KYNU: variants seen among roughly 807,000 people sequenced by gnomAD.
KYNU encodes L-kynurenine hydrolase.
A neutral mutation model predicts 59.2 loss-of-function variants in KYNU; 54 were observed. That is an observed-to-expected ratio of 0.91 (90% CI 0.73 to 1.14). KYNU has a LOEUF of 1.14. Among genes scored for constraint, KYNU ranks in the 50% most tolerant of loss-of-function variants. KYNU has a pLI of 0.00. For synonymous variants in KYNU, 177 were observed against 192.0 expected (o/e 0.92, Z 0.65); for missense variants, 567 against 554.4 (o/e 1.02, Z -0.23).
At chr2:143,037,174 C>T (rs1374636629) in intron 12 of KYNU, among the ~76,000 whole-genome samples, 1 of 152,042 alleles carries the variant, frequency 6.6e-6, no homozygotes, top group African/African-American at 2.4e-5. Flanking sequence ...AAGCCTGAGG[C>T]CAGGAACCTG....
At chr2:142,885,642 CT>C in intron 2 of KYNU, 106 bp downstream of exon 2, 2 of 1,036,150 alleles carry the variant, frequency 1.9e-6, no homozygotes, top group Non-Finnish European at 2.8e-6. Flanking sequence ...CATAATAGAG[CT>C]GTTGCAATTA....
At chr2:142,992,885 A>T (rs1187386822) in intron 10 of KYNU, among the ~76,000 whole-genome samples, 1 of 152,064 alleles carries the variant, frequency 6.6e-6, no homozygotes, top group Non-Finnish European at 1.5e-5. Flanking sequence ...TATATCTTTT[A>T]ACCAGTTAAA....
At chr2:142,991,190 C>A (rs577532998) in intron 10 of KYNU, among the ~76,000 whole-genome samples, 1 of 151,916 alleles carries the variant, frequency 6.6e-6, no homozygotes, top group African/African-American at 2.4e-5. Flanking sequence ...TATTTCACTT[C>A]CATATGCTTT....
intron 3 of KYNU, among the ~76,000 whole-genome samples, chr2:142,918,948 G>T (rs1203896695): frequency 6.6e-6 from 1 of 152,168 alleles, no homozygotes; most frequent in Non-Finnish European, 1.5e-5. Flanking sequence ...AAGAACCTAG[G>T]CCTATGCCAT....
intron 10 of KYNU, among the ~76,000 whole-genome samples, chr2:143,023,944 A>G (rs1686477807): frequency 6.6e-6 from 1 of 151,808 alleles, no homozygotes; most frequent in South Asian, 2.1e-4. Context: ...TTTAATTCAC[A>G]TATTGAAAGA....
chr2:143,013,547 G>A (rs997917432), intron 10 of KYNU, among the ~76,000 whole-genome samples: 1 of 152,048 alleles, frequency 6.6e-6, no homozygotes, highest in African/African-American at 2.4e-5. Flanking sequence ...TTGCATATAT[G>A]AATGTTATCA....
At chr2:142,934,163 G>A (rs934813137) in intron 4 of KYNU, among the ~76,000 whole-genome samples, 6 of 152,122 alleles carry the variant, frequency 3.9e-5, no homozygotes, top group Non-Finnish European at 7.4e-5. Flanking sequence ...GTGAGGAGGC[G>A]AAAATGATAG....
chr2:142,897,500 T>A lies in KYNU; in HGVS notation c.169+11964T>A, dbSNP rs147441502. On this transcript the variant is annotated intron_variant, in intron 2 of 13. Coordinates refer to ENST00000264170, the MANE Select transcript of KYNU (RefSeq NM_003937.3). ...ATTAGACAGTTGTCACCCAACAAAT[T>A]CATATTAGATGCTTATATTTTTCTT... 7.7e-3 allele frequency among the ~76,000 whole-genome samples: 1,179 copies of A among 152,300 alleles called. 10 individuals are homozygous for A. The highest frequency in any genetic ancestry group is 0.02 in the Middle Eastern group (6 of 294).
chr2:142,957,623 A>G lies in KYNU; in HGVS notation c.508-18A>G, dbSNP rs188997515. 2,191 of 1,491,810 alleles carry G rather than the reference A, an allele frequency of 1.5e-3. 28 individuals are homozygous for G. In the African/African-American group the frequency reaches 0.027, roughly 19 times the overall value. The allele number at this position is 1,491,810 out of a possible 1,614,324, so 92.4% of individuals were successfully genotyped here. A position where few individuals can be genotyped will look rare whatever the true frequency, so the allele number is the denominator to read the frequency against. On this transcript the variant is annotated intron_variant, in intron 6 of 13. Coordinates refer to ENST00000264170, the MANE Select transcript of KYNU (RefSeq NM_003937.3). Reference sequence around the variant, plus strand: ...GCTCTCAGCTTGATTTGATAAATACATCATCTTTCCTTTTTAGTATGCTAT... The same window carrying G: ...GCTCTCAGCTTGATTTGATAAATACGTCATCTTTCCTTTTTAGTATGCTAT...
chr2:142,894,046 A>G (rs1218042533), intron 2 of KYNU, among the ~76,000 whole-genome samples: 1 of 152,218 alleles, frequency 6.6e-6, no homozygotes, highest in Non-Finnish European at 1.5e-5. Context: ...CTGTCTTGCC[A>G]TATGAACTCT....
chr2:142,996,550 G>A lies in KYNU; in HGVS notation c.902+10529G>A, dbSNP rs1298839210. 2.6e-5 allele frequency among the ~76,000 whole-genome samples: 4 copies of A among 152,118 alleles called. No individual in the cohort carries two copies. The South Asian group carries it at 6.2e-4, about 24-fold the overall frequency. On this transcript the variant is annotated intron_variant, in intron 10 of 13. Transcript: ENST00000264170. ...ATTCAGTCTGGGCAGTGAAAGAAGAGGGATGTTGGGAGAACCTTACAAAGA... is the reference window on the plus strand; with the variant it reads ...ATTCAGTCTGGGCAGTGAAAGAAGAAGGATGTTGGGAGAACCTTACAAAGA...
chr2:142,945,691 A>T (rs1265407642), intron 4 of KYNU, among the ~76,000 whole-genome samples: 1 of 152,004 alleles, frequency 6.6e-6, no homozygotes, highest in Non-Finnish European at 1.5e-5. Context: ...CATCAGAGGG[A>T]TCACTATCTG....
chr2:142,912,898 G>C (rs1682541271), intron 2 of KYNU, among the ~76,000 whole-genome samples: 1 of 150,698 alleles, frequency 6.6e-6, no homozygotes, highest in Non-Finnish European at 1.5e-5. Flanking sequence ...ATTTTTAGTA[G>C]AGACAGGGTT....
At chr2:142,889,621 A>G (rs1460775006) in intron 2 of KYNU, among the ~76,000 whole-genome samples, 1 of 152,168 alleles carries the variant, frequency 6.6e-6, no homozygotes, top group Non-Finnish European at 1.5e-5. Context: ...TTAGAATACT[A>G]TGTTCTGACC....
At chr2:143,002,306 A>C (rs74554643) in intron 10 of KYNU, among the ~76,000 whole-genome samples, 4,092 of 152,336 alleles carry the variant, frequency 0.027, 179 homozygotes, top group African/African-American at 0.094. Context: ...TTCAGTAAAT[A>C]AAACATTAAT....
At chr2:142,896,062 T>C (rs13001624) in intron 2 of KYNU, among the ~76,000 whole-genome samples, 34,552 of 152,182 alleles carry the variant, frequency 0.23, 4,848 homozygotes, top group South Asian at 0.4. Context: ...TGTAAAAACA[T>C]TCTTAGCTTT....
intron 4 of KYNU, among the ~76,000 whole-genome samples, chr2:142,937,247 G>A (rs944935841): frequency 6.6e-6 from 1 of 152,022 alleles, no homozygotes; most frequent in Non-Finnish European, 1.5e-5. Flanking sequence ...TGAGAAGGGA[G>A]GAGTTACTCA....
chr2:142,880,814 C>T (rs1051042257), intron 1 of KYNU, among the ~76,000 whole-genome samples: 1 of 152,156 alleles, frequency 6.6e-6, no homozygotes, highest in South Asian at 2.1e-4. Context: ...GCGGTAGAGA[C>T]ACAGTGATCT....
intron 2 of KYNU, among the ~76,000 whole-genome samples, chr2:142,893,357 A>G (rs1332770488): frequency 6.6e-6 from 1 of 152,218 alleles, no homozygotes; most frequent in Non-Finnish European, 1.5e-5. Flanking sequence ...ACATATTCAA[A>G]GAAATCAGAG....
Sources: allele counts gnomAD v4.1 joint callset (sites outside exome capture counted in the v4.1 genomes callset), GRCh38; gene constraint gnomAD v4.1.1; transcripts MANE v1.5; gene names NCBI Gene and HGNC (gene_info 2026-07-23, HGNC 2026-07-21).